Variants in UBLCP1 observed in about 807,000 individuals in gnomAD.
UBLCP1 encodes ubiquitin-like domain-containing CTD phosphatase 1.
UBLCP1 carries 28 observed loss-of-function variants against 42.4 expected under a neutral mutation model. That is an observed-to-expected ratio of 0.66 (90% CI 0.49 to 0.90). UBLCP1 has a LOEUF of 0.90. UBLCP1 is among the 40% of genes least tolerant of loss of function. The probability of loss-of-function intolerance (pLI) is 0.00; values close to 1 mark genes in which losing one functional copy is unlikely to be tolerated. For synonymous variants in UBLCP1, 122 were observed against 120.8 expected, an observed-to-expected ratio of 1.01 and a Z score of -0.07; for missense variants, 279 against 374.5, an observed-to-expected ratio of 0.75 and a Z score of 2.10.
chr5:159,282,456 A>G (rs1753619908), intron 9 of UBLCP1, among the ~76,000 whole-genome samples: 1 of 152,140 alleles, frequency 6.6e-6, no homozygotes, highest in Non-Finnish European at 1.5e-5. Context: ...AATCTAGATG[A>G]AGATTGCATA....
chr5:159,265,427 G>A (rs1031931397), intron 1 of UBLCP1, among the ~76,000 whole-genome samples: 35 of 152,198 alleles, frequency 2.3e-4, no homozygotes, highest in African/African-American at 8.4e-4. Flanking sequence ...GCTTTATGCA[G>A]GAAGAGACAT....
rs1753431626 is a variant in UBLCP1, at chr5:159,268,993, C to T, written c.78C>T (p.Leu26=). The change falls in exon 2 of 11, where the codon CTC becomes CTT. Residue 26 remains leucine, a synonymous_variant. Coordinates refer to ENST00000296786, the MANE Select transcript of UBLCP1 (RefSeq NM_145049.5). Reference sequence around the variant, plus strand: ...CACTTTCAGAAGATGATACTGTGCTCGATCTCAAACAGTTTCTCAAGACCC... The same window carrying T: ...CACTTTCAGAAGATGATACTGTGCTTGATCTCAAACAGTTTCTCAAGACCC... ...VTTLSEDDTV[L]DLKQFLKTLT... 6.2e-6 allele frequency: 10 copies of T among 1,610,950 alleles called. No individual in the cohort carries two copies. The highest frequency in any genetic ancestry group is 8.5e-6 in the Non-Finnish European group (10 of 1,178,790).
rs1753661005 is a variant in UBLCP1 at position 159,285,238 on chromosome 5, A to G, written c.*307A>G. On this transcript the variant is annotated 3_prime_UTR_variant, in exon 11 of 11. Transcript: ENST00000296786. ...CACACACACACACACACACACACAC[A>G]CACACAAAGTGGAGAAAAATGTATA... 8.6e-6 allele frequency: 2 copies of G among 232,512 alleles called. No homozygotes were observed. The highest frequency in any genetic ancestry group is 7.0e-5 in the South Asian group (1 of 14,200). 14.4% of individuals were successfully genotyped at this position (232,512 alleles called of 1,614,324 possible). A position where few individuals can be genotyped will look rare whatever the true frequency, so the allele number is the denominator to read the frequency against.
At chr5:159,275,690 G>A (rs1229270701) in intron 8 of UBLCP1, among the ~76,000 whole-genome samples, 1 of 152,108 alleles carries the variant, frequency 6.6e-6, no homozygotes, top group Non-Finnish European at 1.5e-5. Flanking sequence ...GGGATTATGG[G>A]CGTGAGCCAC....
intron 6 of UBLCP1, among the ~76,000 whole-genome samples, chr5:159,273,834 T>TCTCA (rs376382743): frequency 1.3e-5 from 2 of 148,574 alleles, no homozygotes; most frequent in Non-Finnish European, 3.0e-5. Flanking sequence ...CTTTTAAAAA[T>TCTCA]CACACACACA....
intron 8 of UBLCP1, among the ~76,000 whole-genome samples, chr5:159,277,947 T>G (rs1753557927): frequency 6.6e-6 from 1 of 152,210 alleles, no homozygotes; most frequent in South Asian, 2.1e-4. Context: ...TTTGGATTTT[T>G]AAAAAATTAA....
intron 9 of UBLCP1, among the ~76,000 whole-genome samples, chr5:159,281,164 T>G (rs1753601547): frequency 6.6e-6 from 1 of 152,208 alleles, no homozygotes; most frequent in Non-Finnish European, 1.5e-5. Flanking sequence ...AGCAAATGTT[T>G]GGAAAGTAAA....
chr5:159,269,521 G>T (rs936898843), intron 2 of UBLCP1, among the ~76,000 whole-genome samples: 4 of 152,160 alleles, frequency 2.6e-5, no homozygotes, highest in African/African-American at 9.7e-5. Context: ...ATGGTGTTTT[G>T]TGATTATCAT....
chr5:159,273,724 C>G (rs1753499188), intron 6 of UBLCP1, among the ~76,000 whole-genome samples: 1 of 151,910 alleles, frequency 6.6e-6, no homozygotes, highest in Non-Finnish European at 1.5e-5. Flanking sequence ...AAAATTTTAG[C>G]TCAACTGACC....
Position 159,274,699 on chromosome 5 carries a change from A to G in UBLCP1, c.585+77A>G, listed in dbSNP as rs982503981. The stretch of plus-strand genomic sequence containing the variant: ...TTGTTAAAAGTTCTAGAACTGAATT[A>G]ATTTTATTCTTACTGGAGGGCACTT... On this transcript the variant is annotated intron_variant, in intron 7 of 10. Coordinates refer to ENST00000296786, the MANE Select transcript of UBLCP1 (RefSeq NM_145049.5). 7 of 1,359,184 alleles carry G rather than the reference A, an allele frequency of 5.2e-6. No individual in the cohort carries two copies. The African/African-American group carries it at 1.0e-4, about 20-fold the overall frequency. 84.2% of individuals were successfully genotyped at this position (1,359,184 alleles called of 1,614,324 possible). A position where few individuals can be genotyped will look rare whatever the true frequency, so the allele number is the denominator to read the frequency against.
chr5:159,264,389 T>G (rs1177398386), intron 1 of UBLCP1, among the ~76,000 whole-genome samples: 1 of 152,266 alleles, frequency 6.6e-6, no homozygotes, highest in Non-Finnish European at 1.5e-5. Flanking sequence ...AAATAGCTCA[T>G]GCATTTATAT....
chr5:159,278,166 G>A, intron 8 of UBLCP1, 72 bp from the exon 9 acceptor site: 1 of 1,024,384 alleles, frequency 9.8e-7, no homozygotes, highest in Non-Finnish European at 1.5e-6. Flanking sequence ...AGGGCAGTTT[G>A]CAGTATTCCT....
intron 6 of UBLCP1, among the ~76,000 whole-genome samples, chr5:159,272,966 A>C (rs1258846764): frequency 6.6e-6 from 1 of 152,248 alleles, no homozygotes; most frequent in Non-Finnish European, 1.5e-5. Context: ...TCATAAGCAG[A>C]GAAGAGTTAT....
intron 1 of UBLCP1, among the ~76,000 whole-genome samples, chr5:159,264,191 A>AG (rs1753343112): frequency 6.6e-6 from 1 of 152,228 alleles, no homozygotes; most frequent in African/African-American, 2.4e-5. Flanking sequence ...ACAGTATGTT[A>AG]GGTAGAACTC....
intron 1 of UBLCP1, among the ~76,000 whole-genome samples, chr5:159,265,022 A>C (rs1373644929): frequency 6.6e-6 from 1 of 152,262 alleles, no homozygotes; most frequent in African/African-American, 2.4e-5. Flanking sequence ...CTTTTAATTG[A>C]AGAATATAAC....
At chr5:159,272,381 C>G (rs1261095343) in intron 6 of UBLCP1, among the ~76,000 whole-genome samples, 1 of 151,594 alleles carries the variant, frequency 6.6e-6, no homozygotes, top group African/African-American at 2.4e-5. Flanking sequence ...TCCCAATGAC[C>G]CCACCTTGAT....
chr5:159,266,338 A>C (rs1383485953), intron 1 of UBLCP1, among the ~76,000 whole-genome samples: 1 of 152,150 alleles, frequency 6.6e-6, no homozygotes, highest in Non-Finnish European at 1.5e-5. Context: ...TGCCCTAGAG[A>C]TTTGTGGAAC....
chr5:159,281,916 AC>A (rs1753613510), intron 9 of UBLCP1, among the ~76,000 whole-genome samples: 1 of 151,956 alleles, frequency 6.6e-6, no homozygotes, highest in African/African-American at 2.4e-5. Context: ...AAAAGAATAT[AC>A]TAATACTTTG....
chr5:159,276,485 T>A (rs1487499733), intron 8 of UBLCP1, among the ~76,000 whole-genome samples: 1 of 152,150 alleles, frequency 6.6e-6, no homozygotes, highest in Admixed American at 6.5e-5. Context: ...TAAAGTAAAA[T>A]AATACATTTA....
Sources: gnomAD v4.1 joint callset for allele counts (sites outside exome capture counted in the v4.1 genomes callset) on GRCh38, gnomAD v4.1.1 for gene constraint, MANE v1.5 for transcripts, NCBI Gene and HGNC (gene_info 2026-07-23, HGNC 2026-07-21) for gene names.